SSH2: variants seen among roughly 807,000 people sequenced by gnomAD.
The protein encoded by SSH2 is protein phosphatase Slingshot homolog 2.
In SSH2, 37 loss-of-function variants were observed where a neutral mutation model predicts 135.2. That is an observed-to-expected ratio of 0.27 (90% CI 0.21 to 0.36). The LOEUF (loss-of-function observed/expected upper bound fraction) is 0.36, where lower values mean the gene tolerates loss of function less well. Among genes scored for constraint, SSH2 ranks in the 10% least tolerant of loss-of-function variants. The pLI is 1.00. For missense variants in SSH2, 1,408 were observed against 1,765.3 expected, an observed-to-expected ratio of 0.80 and a Z score of 3.63; for synonymous variants, 628 against 646.2, an observed-to-expected ratio of 0.97 and a Z score of 0.43.
intron 2 of SSH2, among the ~76,000 whole-genome samples, chr17:29,838,657 G>A (rs945534915): frequency 6.6e-5 from 10 of 152,230 alleles, no homozygotes; most frequent in South Asian, 4.1e-4. Flanking sequence ...TGTTGGAGCT[G>A]AACACTCATC....
intron 15 of SSH2, among the ~76,000 whole-genome samples, chr17:29,633,384 A>T (rs139155623): frequency 6.6e-6 from 1 of 152,048 alleles, no homozygotes; most frequent in African/African-American, 2.4e-5. Context: ...AAGGGCTAAG[A>T]TATGTCCTTA....
chr17:29,925,950 G>A (rs1332214698), intron 1 of SSH2, among the ~76,000 whole-genome samples: 3 of 152,002 alleles, frequency 2.0e-5, no homozygotes, highest in Non-Finnish European at 4.4e-5. Flanking sequence ...AGAATCAAAA[G>A]AGACAGAGAT....
chr17:29,648,685 G>T (rs2036474900), intron 13 of SSH2, among the ~76,000 whole-genome samples: 1 of 152,214 alleles, frequency 6.6e-6, no homozygotes, highest in South Asian at 2.1e-4. Context: ...GGATTCAGTG[G>T]GAGAAACATA....
intron 2 of SSH2, among the ~76,000 whole-genome samples, chr17:29,811,709 C>T (rs762982323): frequency 6.6e-6 from 1 of 152,030 alleles, no homozygotes; most frequent in Non-Finnish European, 1.5e-5. Context: ...GCTGGGACTA[C>T]AGGTGTGCAC....
intron 3 of SSH2, among the ~76,000 whole-genome samples, chr17:29,722,198 C>T (rs560964603): frequency 2.0e-5 from 3 of 150,578 alleles, no homozygotes; most frequent in South Asian, 4.2e-4. Context: ...TGCTTGAACC[C>T]GGGAGGTGGA....
intron 1 of SSH2, among the ~76,000 whole-genome samples, chr17:29,886,616 G>A (rs755887830): frequency 1.8e-4 from 28 of 151,736 alleles, no homozygotes; most frequent in East Asian, 1.9e-4. Flanking sequence ...GCATGGTAGC[G>A]TGCACCTGTA....
intron 1 of SSH2, among the ~76,000 whole-genome samples, chr17:29,883,288 T>G (rs1250215439): frequency 6.6e-6 from 1 of 152,182 alleles, no homozygotes; most frequent in Non-Finnish European, 1.5e-5. Context: ...GGTTATATCT[T>G]TGTAATTCAC....
At chr17:29,808,349 G>A (rs1174613728) in intron 2 of SSH2, among the ~76,000 whole-genome samples, 1 of 152,152 alleles carries the variant, frequency 6.6e-6, no homozygotes, top group African/African-American at 2.4e-5. Context: ...GGCTGGTCTC[G>A]AACTCCTGAC....
At chr17:29,714,343 A>C (rs2039541068) in intron 3 of SSH2, among the ~76,000 whole-genome samples, 1 of 152,200 alleles carries the variant, frequency 6.6e-6, no homozygotes. Context: ...CATTTGCATG[A>C]TTCAACAAAT....
At chr17:29,863,135 G>A (rs920465962) in intron 1 of SSH2, among the ~76,000 whole-genome samples, 9 of 151,998 alleles carry the variant, frequency 5.9e-5, no homozygotes, top group African/African-American at 2.2e-4. Context: ...GCATCTTTAG[G>A]GGAGGCCTGA....
intron 5 of SSH2, among the ~76,000 whole-genome samples, chr17:29,692,177 A>C (rs910969737): frequency 2.6e-5 from 4 of 151,918 alleles, no homozygotes; most frequent in Admixed American, 1.3e-4. Context: ...AAAAAAAAAA[A>C]AACAAGACTT....
chr17:29,781,310 G>A (rs1273234928), intron 3 of SSH2, among the ~76,000 whole-genome samples: 1 of 151,842 alleles, frequency 6.6e-6, no homozygotes, highest in Admixed American at 6.6e-5. Flanking sequence ...TAAAGATGAA[G>A]TCCTATCTCA....
chr17:29,865,860 G>A (rs574162196), intron 1 of SSH2, among the ~76,000 whole-genome samples: 119 of 152,276 alleles, frequency 7.8e-4, no homozygotes, highest in African/African-American at 2.8e-3. Flanking sequence ...CAGCACTTTG[G>A]GAGGCTGAGG....
At chr17:29,656,972 C>T (rs1236162051) in intron 11 of SSH2, among the ~76,000 whole-genome samples, 1 of 152,174 alleles carries the variant, frequency 6.6e-6, no homozygotes, top group African/African-American at 2.4e-5. Flanking sequence ...TCTCTATCCT[C>T]TAGCTACACT....
intron 11 of SSH2, among the ~76,000 whole-genome samples, chr17:29,663,900 C>T (rs2037158164): frequency 6.6e-6 from 1 of 152,142 alleles, no homozygotes; most frequent in South Asian, 2.1e-4. Flanking sequence ...TTACACTCCA[C>T]TCTGGTGGAG....
At chr17:29,816,622 G>T (rs1370832690) in intron 2 of SSH2, among the ~76,000 whole-genome samples, 2 of 151,776 alleles carry the variant, frequency 1.3e-5, no homozygotes, top group African/African-American at 2.4e-5. Context: ...CCTTGATCTA[G>T]TTCTAGGACT....
At chr17:29,662,229 C>G (rs1450474126) in intron 11 of SSH2, among the ~76,000 whole-genome samples, 2 of 152,206 alleles carry the variant, frequency 1.3e-5, no homozygotes, top group African/African-American at 4.8e-5. Context: ...ACCCAAGTAA[C>G]TGATTTCTTT....
chr17:29,655,745 A>G, intron 11 of SSH2, 138 bp from the exon 12 acceptor site: 1 of 674,790 alleles, frequency 1.5e-6, no homozygotes, highest in South Asian at 1.7e-5. Flanking sequence ...CAGGCACTTC[A>G]TATGTTATCA....
At chr17:29,897,751 T>C (rs1485516360) in intron 1 of SSH2, among the ~76,000 whole-genome samples, 1 of 152,210 alleles carries the variant, frequency 6.6e-6, no homozygotes, top group South Asian at 2.1e-4. Context: ...TATCCAGGAA[T>C]TGAACTCAGC....
Sources: allele counts gnomAD v4.1 joint callset (sites outside exome capture counted in the v4.1 genomes callset), GRCh38; gene constraint gnomAD v4.1.1; transcripts MANE v1.5; gene names NCBI Gene and HGNC (gene_info 2026-07-23, HGNC 2026-07-21).